Variants in EIF2S2 observed in about 807,000 individuals in gnomAD.
The protein encoded by EIF2S2 is eukaryotic translation initiation factor 2 subunit 2.
A neutral mutation model predicts 44.0 loss-of-function variants in EIF2S2; 4 were observed. The ratio of observed to expected loss-of-function variants is 0.09; its 90% CI spans 0.04 to 0.21. EIF2S2 has a LOEUF of 0.21. Among genes scored for constraint, EIF2S2 ranks in the 10% least tolerant of loss-of-function variants. The probability of loss-of-function intolerance (pLI) is 1.00; values close to 1 mark genes in which losing one functional copy is unlikely to be tolerated. For synonymous variants in EIF2S2, 108 were observed against 128.3 expected (o/e 0.84, Z 1.07); for missense variants, 154 against 392.0 (o/e 0.39, Z 5.13).
intron 3 of EIF2S2, among the ~76,000 whole-genome samples, chr20:34,101,236 A>G (rs182074316): frequency 4.6e-5 from 7 of 152,270 alleles, no homozygotes; most frequent in African/African-American, 1.7e-4. Flanking sequence ...CCTAAGGTCA[A>G]GAGTTTGAGA....
At position 34,089,324 on chromosome 20, in the gene EIF2S2, T is replaced by C. The variant is rs1407149293; in HGVS notation, c.*406A>G. ...GCTGCCCAGATGAAGCGCCTGCCAT[T>C]GTTCAGTTTCTCAGTCAGAGCCCGG... On this transcript the variant is annotated 3_prime_UTR_variant, in exon 9 of 9. Transcript: ENST00000374980. 6.2e-6 allele frequency: 1 copy of C among 160,412 alleles called. No individual in the cohort carries two copies. Among genetic ancestry groups the C allele is most frequent in the Non-Finnish European group, 1.4e-5 (1 of 73,686 alleles). The allele number at this position is 160,412 out of a possible 1,614,324, so 9.9% of individuals were successfully genotyped here.
Position 34,112,083 on chromosome 20 carries a change from C to A in EIF2S2, c.15+13G>T. 1 of 1,555,654 alleles carries A rather than the reference C, an allele frequency of 6.4e-7. No homozygotes were observed. Among genetic ancestry groups the A allele is most frequent in the East Asian group, 2.4e-5 (1 of 42,146 alleles). On this transcript the variant is annotated intron_variant, in intron 1 of 8. Transcript: ENST00000374980. ...CTCAATCCTTAGCCCTTACGCCGGG[C>A]TCAGATCCTCACCTCGTCCCCAGAC... is the stretch of plus-strand genomic sequence containing the variant.
chr20:34,109,220 T>C lies in EIF2S2; in HGVS notation c.15+2876A>G, dbSNP rs1308551550. ...TTCTTTTTGCAAAAACACCTTACCA[T>C]ATTTTATGAAAACCCAATGTTCTGA... On this transcript the variant is annotated intron_variant, in intron 1 of 8. Transcript: ENST00000374980. 2.0e-5 allele frequency among the ~76,000 whole-genome samples: 3 copies of C among 152,156 alleles called. No homozygotes were observed. The East Asian group carries it at 5.8e-4, about 29-fold the overall frequency.
chr20:34,110,395 TG>T (rs2034399229), intron 1 of EIF2S2, among the ~76,000 whole-genome samples: 1 of 152,188 alleles, frequency 6.6e-6, no homozygotes, highest in African/African-American at 2.4e-5. Context: ...CCTGGCAGAA[TG>T]GAAGCCAAAG....
intron 1 of EIF2S2, among the ~76,000 whole-genome samples, chr20:34,109,796 C>T (rs1376948483): frequency 2.7e-5 from 4 of 149,046 alleles, no homozygotes; most frequent in African/African-American, 2.5e-5. Context: ...AATTATACAT[C>T]AAGAAAAAAA....
chr20:34,095,737 T>C (rs1173157241), intron 6 of EIF2S2, among the ~76,000 whole-genome samples: 1 of 152,218 alleles, frequency 6.6e-6, no homozygotes, highest in Non-Finnish European at 1.5e-5. Flanking sequence ...ATCTAAACTA[T>C]TTAAATATAT....
Position 34,088,333 on chromosome 20 carries a change from C to T in EIF2S2, c.*1397G>A, listed in dbSNP as rs1258387817. 6.6e-6 allele frequency: 1 copy of T among 152,616 alleles called. No homozygotes were observed. The highest frequency in any genetic ancestry group is 1.5e-5 in the Non-Finnish European group (1 of 68,046). The allele number at this position is 152,616 out of a possible 1,614,324, so 9.5% of individuals were successfully genotyped here. On this transcript the variant is annotated 3_prime_UTR_variant, in exon 9 of 9. Coordinates refer to ENST00000374980, the MANE Select transcript of EIF2S2 (RefSeq NM_003908.5). Reference sequence around the variant, plus strand: ...ATTACATAAGAGGCACTGATCCTTGCTTTATTCATGTAGAAATATCCAACA... The same window carrying T: ...ATTACATAAGAGGCACTGATCCTTGTTTTATTCATGTAGAAATATCCAACA...
intron 1 of EIF2S2, among the ~76,000 whole-genome samples, chr20:34,110,496 G>A (rs983270481): frequency 6.6e-6 from 1 of 152,136 alleles, no homozygotes; most frequent in Non-Finnish European, 1.5e-5. Context: ...CAGTTGGACC[G>A]GCACCCCTAA....
intron 2 of EIF2S2, 45 bp from the exon 3 acceptor site, chr20:34,103,610 A>G (rs2034317576): frequency 6.7e-7 from 1 of 1,485,890 alleles, no homozygotes. Context: ...AAGGCAAAGC[A>G]TCAAATTATG....
chr20:34,111,843 C>A (rs941782618), intron 1 of EIF2S2, among the ~76,000 whole-genome samples: 1 of 152,250 alleles, frequency 6.6e-6, no homozygotes, highest in Non-Finnish European at 1.5e-5. Flanking sequence ...GACGACTCAA[C>A]GTGTGCTCTC....
intron 3 of EIF2S2, among the ~76,000 whole-genome samples, chr20:34,099,482 T>C (rs1178839622): frequency 6.6e-6 from 1 of 152,196 alleles, no homozygotes; most frequent in African/African-American, 2.4e-5. Context: ...GATATAGTCA[T>C]TGGGAAAGAT....
At chr20:34,110,096 CAAAAAAAAA>C (rs11167227) in intron 1 of EIF2S2, among the ~76,000 whole-genome samples, 2 of 86,192 alleles carry the variant, frequency 2.3e-5, no homozygotes, top group African/African-American at 8.5e-5. Context: ...AATTCCATCT[CAAAAAAAAA>C]AAAAAAAAAA....
chr20:34,093,762 A>C (rs1350288292), intron 6 of EIF2S2, 31 bp from the exon 7 acceptor site: 10 of 1,558,324 alleles, frequency 6.4e-6, no homozygotes, highest in African/African-American at 1.4e-5. Flanking sequence ...TATAAACCTT[A>C]TCTCTCATGG....
At chr20:34,098,139 G>A (rs915453549) in intron 4 of EIF2S2, among the ~76,000 whole-genome samples, 1 of 151,942 alleles carries the variant, frequency 6.6e-6, no homozygotes, top group Non-Finnish European at 1.5e-5. Flanking sequence ...CCAGCTACTC[G>A]GGAGGCTGAG....
chr20:34,102,180 C>T (rs947888847), intron 3 of EIF2S2, among the ~76,000 whole-genome samples: 1 of 152,182 alleles, frequency 6.6e-6, no homozygotes, highest in East Asian at 1.9e-4. Context: ...ATAAAAGCTA[C>T]TGGAGGAATC....
intron 7 of EIF2S2, among the ~76,000 whole-genome samples, chr20:34,091,600 C>T (rs1335510505): frequency 1.3e-5 from 2 of 151,624 alleles, no homozygotes; most frequent in Admixed American, 1.3e-4. Flanking sequence ...CGCCTATAGT[C>T]CCAGCTACTG....
intron 3 of EIF2S2, among the ~76,000 whole-genome samples, 178 bp from the exon 4 acceptor site, chr20:34,098,811 A>G (rs768061466): frequency 1.3e-5 from 2 of 152,208 alleles, no homozygotes; most frequent in Non-Finnish European, 1.5e-5. Flanking sequence ...TACAGGCATG[A>G]GCCACCACAC....
intron 1 of EIF2S2, among the ~76,000 whole-genome samples, chr20:34,107,976 C>T (rs1480352413): frequency 1.3e-5 from 2 of 152,178 alleles, no homozygotes; most frequent in South Asian, 4.1e-4. Flanking sequence ...GCAAGGAGTA[C>T]TGCAATAATA....
intron 1 of EIF2S2, among the ~76,000 whole-genome samples, chr20:34,110,540 T>G (rs530215518): frequency 3.3e-4 from 50 of 152,300 alleles, no homozygotes; most frequent in South Asian, 1.2e-3. Flanking sequence ...GCTTCCAAAG[T>G]CCTATGCCGA....
Sources: gnomAD v4.1 joint callset for allele counts (sites outside exome capture counted in the v4.1 genomes callset) on GRCh38, gnomAD v4.1.1 for gene constraint, MANE v1.5 for transcripts, NCBI Gene and HGNC (gene_info 2026-07-23, HGNC 2026-07-21) for gene names.